The following SLCO1A2 variants were observed in gnomAD, a reference collection of about 807,000 sequenced individuals.
The protein encoded by SLCO1A2 is OATP-1.
A neutral mutation model predicts 69.0 loss-of-function variants in SLCO1A2; 67 were observed. That is an observed-to-expected ratio of 0.97 (90% CI 0.80 to 1.19). The LOEUF is 1.19. Among genes scored for constraint, SLCO1A2 ranks in the 50% most tolerant of loss-of-function variants. The pLI, the probability that SLCO1A2 is intolerant of heterozygous loss-of-function variation, is 0.00. For synonymous variants in SLCO1A2, 260 were observed against 265.9 expected (o/e 0.98, Z 0.22); for missense variants, 787 against 793.7 (o/e 0.99, Z 0.10).
At chr12:21,297,267 C>G in intron 9 of SLCO1A2, 137 bp downstream of exon 9, 1 of 440,506 alleles carries the variant, frequency 2.3e-6, no homozygotes, top group Non-Finnish European at 4.0e-6. Flanking sequence ...TTCTTTCTTT[C>G]TTGAGATTAG....
intron 1 of SLCO1A2, chr12:21,376,311 A>G: frequency 5.7e-6 from 2 of 352,382 alleles, no homozygotes; most frequent in Non-Finnish European, 1.2e-5. Flanking sequence ...TTCCTTTATT[A>G]CTTTTTTTGA....
chr12:21,412,050 TATA>T (rs1383909377), intron 1 of SLCO1A2, among the ~76,000 whole-genome samples: 2 of 152,174 alleles, frequency 1.3e-5, no homozygotes, highest in Admixed American at 1.3e-4. Context: ...TAAAAAGTAT[TATA>T]ATGTTACCTA....
chr12:21,416,386 A>AC lies in SLCO1A2; in HGVS notation c.-312+1495_-312+1496insG, dbSNP rs397784242. Among the ~76,000 whole-genome samples, 96 of 151,166 alleles carry AC rather than the reference A, an allele frequency of 6.4e-4. 1 individual carries two copies. Among genetic ancestry groups the AC allele is most frequent in the Non-Finnish European group, 1.1e-3 (75 of 67,710 alleles). On this transcript the variant is annotated intron_variant, in intron 1 of 4. Transcript: ENST00000413682. ...CACACACACACACACACACACACAC[A>AC]AAAGACAATAAATCACTCGCTCTCC...
At chr12:21,297,359 G>GT (rs768604044) in intron 9 of SLCO1A2, 45 bp downstream of exon 9, 4 of 1,527,666 alleles carry the variant, frequency 2.6e-6, no homozygotes, top group African/African-American at 2.7e-5. Flanking sequence ...CACACTGTTC[G>GT]TGGGGGGGAA....
chr12:21,386,551 T>C (rs1219711966), intron 1 of SLCO1A2, among the ~76,000 whole-genome samples: 2 of 152,254 alleles, frequency 1.3e-5, no homozygotes, highest in South Asian at 2.1e-4. Context: ...TGCACTTCTC[T>C]CTTGCCTTTT....
Position 21,314,443 on chromosome 12 carries a change from C to T in SLCO1A2, c.335+106G>A, listed in dbSNP as rs1950615801. On this transcript the variant is annotated intron_variant, in intron 4 of 14. Transcript: ENST00000683939. ...AATGTGCATCTTCCCCTTCCCATTACAGTGCCCTATGCTGTTGGAAAGCAT... is the reference window on the plus strand; with the variant it reads ...AATGTGCATCTTCCCCTTCCCATTATAGTGCCCTATGCTGTTGGAAAGCAT... The T allele has an allele frequency of 2.5e-6, 3 of 1,198,846 alleles. No individual in the cohort carries two copies. In the Admixed American group the frequency reaches 5.9e-5, roughly 24 times the overall value. The allele number at this position is 1,198,846 out of a possible 1,614,324, so 74.3% of individuals were successfully genotyped here. A position where few individuals can be genotyped will look rare whatever the true frequency, so the allele number is the denominator to read the frequency against.
intron 2 of SLCO1A2, among the ~76,000 whole-genome samples, chr12:21,356,329 A>G (rs1207379704): frequency 6.6e-6 from 1 of 152,044 alleles, no homozygotes. Flanking sequence ...TGATATTAAG[A>G]AATATGCAGG....
At chr12:21,351,464 A>G (rs1300069795) in intron 2 of SLCO1A2, among the ~76,000 whole-genome samples, 2 of 152,154 alleles carry the variant, frequency 1.3e-5, no homozygotes, top group Non-Finnish European at 2.9e-5. Flanking sequence ...ATGCCTTATA[A>G]TACTTATAAA....
chr12:21,405,243 G>A (rs971190880), intron 1 of SLCO1A2, among the ~76,000 whole-genome samples: 1 of 151,944 alleles, frequency 6.6e-6, no homozygotes, highest in African/African-American at 2.4e-5. Flanking sequence ...GATCTCATTT[G>A]TCAATTTTTG....
intron 1 of SLCO1A2, among the ~76,000 whole-genome samples, chr12:21,411,424 T>C (rs7303253): frequency 0.36 from 55,289 of 151,972 alleles, 10,723 homozygotes; most frequent in Middle Eastern, 0.45. Flanking sequence ...ATCCCAAACA[T>C]ATTTCGACCT....
chr12:21,361,528 G>C (rs1036700024), intron 2 of SLCO1A2, among the ~76,000 whole-genome samples: 13 of 152,214 alleles, frequency 8.5e-5, no homozygotes, highest in African/African-American at 9.6e-5. Context: ...AACAAAGCTG[G>C]ACAGAGAATG....
intron 12 of SLCO1A2, among the ~76,000 whole-genome samples, chr12:21,280,537 A>G (rs990774646): frequency 6.6e-6 from 1 of 152,212 alleles, no homozygotes; most frequent in African/African-American, 2.4e-5. Context: ...CATAAAAGTT[A>G]TAAATATGTA....
At chr12:21,339,214 C>T (rs1952988348), upstream of SLCO1A2, among the ~76,000 whole-genome samples, 1 of 151,848 alleles carries the variant, frequency 6.6e-6, no homozygotes, top group African/African-American at 2.4e-5. Context: ...ACTGGGGATA[C>T]AAAGATGAAT....
intron 6 of SLCO1A2, among the ~76,000 whole-genome samples, chr12:21,302,059 C>T (rs1327673124): frequency 6.6e-6 from 1 of 152,094 alleles, no homozygotes. Context: ...CCCCTTCTAT[C>T]TTCTCTAAGG....
Position 21,334,851 on chromosome 12 carries a change from A to G in SLCO1A2, c.-87T>C. The G allele has an allele frequency of 4.3e-6, 2 of 461,304 alleles. No individual in the cohort carries two copies. The highest frequency in any genetic ancestry group is 8.0e-5 in the South Asian group (2 of 24,948). 28.6% of individuals were successfully genotyped at this position (461,304 alleles called of 1,614,324 possible). On this transcript the variant is annotated 5_prime_UTR_variant, in exon 1 of 15. Coordinates refer to ENST00000683939, the MANE Select transcript of SLCO1A2 (RefSeq NM_001386879.1). Reference sequence around the variant, plus strand: ...CCTGGAACGCTTTAATACAGATTAGAAAATCATGGTGTTAGAGAAGATTTA... The same window carrying G: ...CCTGGAACGCTTTAATACAGATTAGGAAATCATGGTGTTAGAGAAGATTTA...
intron 13 of SLCO1A2, chr12:21,274,992 T>A: frequency 9.7e-7 from 1 of 1,026,074 alleles, no homozygotes; most frequent in Non-Finnish European, 1.2e-6. Context: ...TCTATCTCTT[T>A]GTGTGCTGCA....
intron 3 of SLCO1A2, among the ~76,000 whole-genome samples, chr12:21,315,922 GGTAA>G (rs1215973561): frequency 6.6e-6 from 1 of 152,150 alleles, no homozygotes; most frequent in Non-Finnish European, 1.5e-5. Context: ...CATGGGAAAA[GGTAA>G]GTAATTTTTT....
intron 2 of SLCO1A2, among the ~76,000 whole-genome samples, chr12:21,325,042 C>G (rs769706497): frequency 6.6e-6 from 1 of 152,144 alleles, no homozygotes; most frequent in African/African-American, 2.4e-5. Flanking sequence ...ATTCTCTAGT[C>G]TAGTATTTGT....
At chr12:21,414,786 T>G (rs1051567623) in intron 1 of SLCO1A2, among the ~76,000 whole-genome samples, 3 of 152,212 alleles carry the variant, frequency 2.0e-5, no homozygotes, top group African/African-American at 7.2e-5. Flanking sequence ...AATTTTAGTA[T>G]AATCCTGGAT....
Sources: allele counts gnomAD v4.1 joint callset (sites outside exome capture counted in the v4.1 genomes callset), GRCh38; gene constraint gnomAD v4.1.1; transcripts MANE v1.5; gene names NCBI Gene and HGNC (gene_info 2026-07-23, HGNC 2026-07-21).